Variants in KIF16B observed in about 807,000 individuals in gnomAD.
KIF16B encodes the protein kinesin family member 16B.
Under a neutral mutation model 156.3 loss-of-function variants are expected in KIF16B, and 98 were observed. The observed-to-expected ratio is 0.63, with a 90% CI of 0.53 to 0.74. The LOEUF is 0.74. Among genes scored for constraint, KIF16B ranks in the 30% least tolerant of loss-of-function variants. KIF16B has a pLI of 0.00. For missense variants in KIF16B, 1,421 were observed against 1,606.5 expected (o/e 0.88, Z 1.97); for synonymous variants, 564 against 583.7 (o/e 0.97, Z 0.49).
chr20:16,538,607 G>A (rs1327112150), intron 1 of KIF16B, among the ~76,000 whole-genome samples: 1 of 151,724 alleles, frequency 6.6e-6, no homozygotes, highest in Non-Finnish European at 1.5e-5. Context: ...GGAGGAGGAC[G>A]AAAGGAAAGG....
chr20:16,540,390 A>G (rs1933239898), intron 1 of KIF16B, among the ~76,000 whole-genome samples: 1 of 152,208 alleles, frequency 6.6e-6, no homozygotes. Context: ...TTCCTTCTAC[A>G]GTTAAAATAA....
At position 16,406,333 on chromosome 20, in the gene KIF16B, T is replaced by C. The variant is rs116377643; in HGVS notation, c.1695+41A>G. On this transcript the variant is annotated intron_variant, in intron 16 of 25. Transcript: ENST00000354981. ...TGACCACCACCCACTCATCCTCACA[T>C]ACGATCAGTGGTTCCCTCCTAGAGA... 8.5e-5 allele frequency: 132 copies of C among 1,544,552 alleles called. 2 individuals are homozygous for C. In the African/African-American group the frequency reaches 1.6e-3, roughly 18 times the overall value.
intron 12 of KIF16B, among the ~76,000 whole-genome samples, chr20:16,456,871 T>C (rs1207726101): frequency 6.6e-6 from 1 of 152,198 alleles, no homozygotes; most frequent in Admixed American, 6.5e-5. Context: ...GCTCATCCAG[T>C]GTGGTAGGAC....
intron 1 of KIF16B, among the ~76,000 whole-genome samples, chr20:16,553,062 G>C (rs532117763): frequency 6.6e-6 from 1 of 152,062 alleles, no homozygotes; most frequent in Non-Finnish European, 1.5e-5. Flanking sequence ...CACCGTACCC[G>C]GCCTCTATTT....
intron 17 of KIF16B, among the ~76,000 whole-genome samples, chr20:16,396,648 C>CT (rs11476845): frequency 0.011 from 1,385 of 124,572 alleles, 14 homozygotes; most frequent in Middle Eastern, 0.056. Context: ...ACTGTAGTCG[C>CT]TTTTTTTTTT....
intron 4 of KIF16B, among the ~76,000 whole-genome samples, chr20:16,514,885 C>CAAAAAAAAAAAAA (rs10564862): frequency 4.1e-4 from 25 of 60,754 alleles, no homozygotes; most frequent in African/African-American, 8.3e-4. Context: ...GATTCCATCT[C>CAAAAAAAAAAAAA]AAAAAAAAAA....
intron 12 of KIF16B, among the ~76,000 whole-genome samples, chr20:16,474,329 T>C (rs2067748348): frequency 6.6e-6 from 1 of 152,190 alleles, no homozygotes; most frequent in Non-Finnish European, 1.5e-5. Flanking sequence ...TTTCCTAACA[T>C]AGAATAACGA....
intron 12 of KIF16B, among the ~76,000 whole-genome samples, chr20:16,431,917 C>CACACACACAT (rs1407507829): frequency 6.7e-6 from 1 of 149,948 alleles, no homozygotes; most frequent in Admixed American, 6.7e-5. Flanking sequence ...TACGTATACA[C>CACACACACAT]ACACACACAC....
chr20:16,530,841 A>G (rs1229744499), intron 1 of KIF16B, among the ~76,000 whole-genome samples: 1 of 152,012 alleles, frequency 6.6e-6, no homozygotes, highest in Non-Finnish European at 1.5e-5. Flanking sequence ...AGCTTTGACT[A>G]CAGGCACGCA....
At chr20:16,526,245 A>G in intron 2 of KIF16B, 40 bp from the exon 3 acceptor site, 1 of 1,174,828 alleles carries the variant, frequency 8.5e-7, no homozygotes, top group Non-Finnish European at 1.2e-6. Context: ...TAATGTAAAG[A>G]GCACTGCCAT....
At chr20:16,427,336 G>T in intron 14 of KIF16B, 95 bp from the exon 15 acceptor site, 1 of 1,199,218 alleles carries the variant, frequency 8.3e-7, no homozygotes, top group South Asian at 1.6e-5. Context: ...TTTTCCTTTT[G>T]AATACTCTTC....
rs751389090 is a variant in KIF16B at position 16,449,036 on chromosome 20, A to C, written c.1303-19054T>G. 3.3e-5 allele frequency among the ~76,000 whole-genome samples: 5 copies of C among 152,246 alleles called. No individual in the cohort carries two copies. The East Asian group carries it at 7.7e-4, about 23-fold the overall frequency. Reference sequence around the variant, plus strand: ...AAACATGAAATGCAGTCATAGAATGAAAGTGTCAAGAATAAATAGATGAAA... The same window carrying C: ...AAACATGAAATGCAGTCATAGAATGCAAGTGTCAAGAATAAATAGATGAAA... On this transcript the variant is annotated intron_variant, in intron 12 of 25. Coordinates refer to ENST00000354981, the MANE Select transcript of KIF16B (RefSeq NM_024704.5).
At chr20:16,532,935 G>A (rs1191264421) in intron 1 of KIF16B, among the ~76,000 whole-genome samples, 1 of 152,082 alleles carries the variant, frequency 6.6e-6, no homozygotes, top group Non-Finnish European at 1.5e-5. Context: ...TAAATTTAAA[G>A]GGCCCTCCAC....
At chr20:16,533,926 G>A (rs548775433) in intron 1 of KIF16B, among the ~76,000 whole-genome samples, 161 of 152,070 alleles carry the variant, frequency 1.1e-3, no homozygotes, top group African/African-American at 3.7e-3. Flanking sequence ...CCTTCTTTAA[G>A]CATACAAACT....
chr20:16,493,318 G>A (rs1285584957), intron 12 of KIF16B, among the ~76,000 whole-genome samples: 1 of 152,110 alleles, frequency 6.6e-6, no homozygotes, highest in African/African-American at 2.4e-5. Context: ...ATAATATAAT[G>A]CTGAGCCTGC....
chr20:16,499,890 T>A (rs1340429007), intron 10 of KIF16B, among the ~76,000 whole-genome samples: 1 of 152,188 alleles, frequency 6.6e-6, no homozygotes, highest in Non-Finnish European at 1.5e-5. Flanking sequence ...ATTTGCAAGG[T>A]GTATCTTTAG....
chr20:16,421,964 A>G (rs571472039), intron 15 of KIF16B, among the ~76,000 whole-genome samples: 1 of 152,224 alleles, frequency 6.6e-6, no homozygotes, highest in Non-Finnish European at 1.5e-5. Context: ...TAGTACCAGT[A>G]CTGTCCGAGG....
Position 16,473,363 on chromosome 20 carries a change from A to C in KIF16B, c.1302+20928T>G, listed in dbSNP as rs1600489130. Among the ~76,000 whole-genome samples the C allele has an allele frequency of 2.6e-5, 4 of 152,278 alleles. No individual in the cohort carries two copies. In the South Asian group the frequency reaches 8.3e-4, roughly 32 times the overall value. ...ATTTCTTTTTCTCTCCCTTTACAGA[A>C]CCATATTAATACTAAAACAGTCCCT... On this transcript the variant is annotated intron_variant, in intron 12 of 25. Transcript: ENST00000354981.
chr20:16,391,772 A>C (rs1240604978), intron 17 of KIF16B, among the ~76,000 whole-genome samples: 2 of 152,198 alleles, frequency 1.3e-5, no homozygotes. Context: ...GGTGGACACC[A>C]CTCAGGGCCT....
Sources: allele counts gnomAD v4.1 joint callset (sites outside exome capture counted in the v4.1 genomes callset), GRCh38; gene constraint gnomAD v4.1.1; transcripts MANE v1.5; gene names NCBI Gene and HGNC (gene_info 2026-07-23, HGNC 2026-07-21).